SAE1: variants seen among roughly 807,000 people sequenced by gnomAD.
The protein encoded by SAE1 is SUMO1 activating enzyme subunit 1, also known as SUMO-activating enzyme subunit 1.
In SAE1, 11 loss-of-function variants were observed where a neutral mutation model predicts 40.6. The observed-to-expected ratio is 0.27, with a 90% CI of 0.17 to 0.45. The LOEUF (loss-of-function observed/expected upper bound fraction) is 0.45, where lower values mean the gene tolerates loss of function less well. SAE1 is among the 20% of genes least tolerant of loss of function. The pLI is 1.00. For missense variants in SAE1, 373 were observed against 427.3 expected (o/e 0.87, Z 1.12); for synonymous variants, 155 against 154.3 (o/e 1.00, Z -0.03).
Position 47,188,332 on chromosome 19 carries a change from A to G in SAE1, c.734-8901A>G, listed in dbSNP as rs148831815. Among the ~76,000 whole-genome samples, 592 of 148,922 alleles carry G rather than the reference A, an allele frequency of 4.0e-3. 4 individuals carry two copies. The highest frequency in any genetic ancestry group is 6.2e-3 in the Non-Finnish European group (422 of 67,576). ...TGCTGCTCATTCCAGCCTGGGTGAC[A>G]GACTGAGGCCATGTCTCAAAAAAAA... On this transcript the variant is annotated intron_variant, in intron 6 of 8. Transcript: ENST00000270225.
chr19:47,140,149 C>G (rs1393580253), intron 1 of SAE1, among the ~76,000 whole-genome samples: 1 of 150,778 alleles, frequency 6.6e-6, no homozygotes, highest in Non-Finnish European at 1.5e-5. Flanking sequence ...TTCTGTTGCC[C>G]AGGATGGAAT....
chr19:47,135,816 C>T (rs190667307), intron 1 of SAE1, among the ~76,000 whole-genome samples: 89 of 151,314 alleles, frequency 5.9e-4, no homozygotes, highest in African/African-American at 1.9e-3. Flanking sequence ...TTTTTTGAAA[C>T]GGAGTCTCGC....
At chr19:47,180,282 A>G (rs1259911899) in intron 6 of SAE1, 4 of 456,108 alleles carry the variant, frequency 8.8e-6, no homozygotes, top group African/African-American at 2.0e-5. Context: ...CTGTTTCCAG[A>G]TCTGGGGTAG....
rs2058706475 is a variant in SAE1, at chr19:47,210,163, G to A, written c.*912G>A. 1.3e-5 allele frequency: 2 copies of A among 152,132 alleles called. No homozygotes were observed. The highest frequency in any genetic ancestry group is 4.1e-4 in the South Asian group (2 of 4,824). The allele number at this position is 152,132 out of a possible 1,614,324, so 9.4% of individuals were successfully genotyped here. ...GAATTTTCCTTGGTTCTTTTTAAAG[G>A]AATGATAATAAAGTTACTTGCTTTA... On this transcript the variant is annotated 3_prime_UTR_variant, in exon 9 of 9. Transcript: ENST00000270225.
At chr19:47,150,074 C>CAAAAA (rs34440742) in intron 2 of SAE1, 128 bp from the exon 3 acceptor site, 18 of 339,344 alleles carry the variant, frequency 5.3e-5, no homozygotes, top group Middle Eastern at 7.8e-4. Context: ...AAGACTGTCT[C>CAAAAA]AAAAAAAAAA....
chr19:47,194,274 T>C (rs1350235530), intron 6 of SAE1, among the ~76,000 whole-genome samples: 6 of 152,190 alleles, frequency 3.9e-5, no homozygotes, highest in Non-Finnish European at 8.8e-5. Flanking sequence ...CACAGGCTGC[T>C]CATTACCAAA....
intron 6 of SAE1, among the ~76,000 whole-genome samples, chr19:47,184,640 A>AC (rs1479485355): frequency 2.0e-5 from 3 of 151,718 alleles, no homozygotes; most frequent in African/African-American, 7.3e-5. Context: ...TGAACTCCTG[A>AC]CCTCAGGTGA....
At chr19:47,175,369 G>T (rs142097845) in intron 6 of SAE1, among the ~76,000 whole-genome samples, 96 of 152,250 alleles carry the variant, frequency 6.3e-4, no homozygotes, top group African/African-American at 2.2e-3. Flanking sequence ...AGTCATATCC[G>T]TGGTTTTATA....
chr19:47,137,874 G>A (rs1283062263), intron 1 of SAE1, among the ~76,000 whole-genome samples: 3 of 151,728 alleles, frequency 2.0e-5, no homozygotes, highest in Non-Finnish European at 2.9e-5. Flanking sequence ...GATTACAGGC[G>A]CGTGCCACCA....
At chr19:47,131,222 G>A (rs1380637028) in intron 1 of SAE1, 194 bp downstream of exon 1, 2 of 1,342,118 alleles carry the variant, frequency 1.5e-6, no homozygotes, top group Non-Finnish European at 1.9e-6. Context: ...GGAAGTGGTT[G>A]GGAGGGCCGT....
In SAE1 at chr19:47,210,243, C is replaced by G. The variant is rs994126454; in HGVS notation, c.*992C>G. On this transcript the variant is annotated 3_prime_UTR_variant, in exon 9 of 9. Coordinates refer to ENST00000270225, the MANE Select transcript of SAE1 (RefSeq NM_005500.3). ...AGCTTCTGAGAGGGAATGGGATGAT[C>G]CTACCAGTTGCCTTTTCAGACCTGA... 2 of 152,146 alleles carry G rather than the reference C, an allele frequency of 1.3e-5. No homozygotes were observed. Among genetic ancestry groups the G allele is most frequent in the Non-Finnish European group, 2.9e-5 (2 of 68,032 alleles). The allele number at this position is 152,146 out of a possible 1,614,324, so 9.4% of individuals were successfully genotyped here. A position where few individuals can be genotyped will look rare whatever the true frequency, so the allele number is the denominator to read the frequency against.
intron 6 of SAE1, among the ~76,000 whole-genome samples, chr19:47,173,680 A>C (rs553995052): frequency 6.6e-6 from 1 of 152,252 alleles, no homozygotes; most frequent in Non-Finnish European, 1.5e-5. Context: ...ACCCAGCTCT[A>C]ACATCAAAAA....
At chr19:47,131,330 G>C (rs1252046801) in intron 1 of SAE1, among the ~76,000 whole-genome samples, 2 of 152,084 alleles carry the variant, frequency 1.3e-5, no homozygotes, top group Non-Finnish European at 2.9e-5. Flanking sequence ...GGTGATTGTG[G>C]GGTTTGATCG....
At chr19:47,135,322 C>T (rs957598041) in intron 1 of SAE1, among the ~76,000 whole-genome samples, 2 of 152,086 alleles carry the variant, frequency 1.3e-5, no homozygotes, top group Non-Finnish European at 2.9e-5. Flanking sequence ...CCTTCCCCTC[C>T]ACCCCCCACT....
Position 47,130,892 on chromosome 19 carries a change from T to G in SAE1, c.-39T>G, listed in dbSNP as rs2123164709. 3 of 1,547,464 alleles carry G rather than the reference T, an allele frequency of 1.9e-6. No individual in the cohort carries two copies. The highest frequency in any genetic ancestry group is 2.6e-6 in the Non-Finnish European group (3 of 1,146,010). ...CGCGCGGGTCCGGCGGGCGGTTGGC[T>G]TGAGCGGGACCGGAGCTGAGGCAGG... On this transcript the variant is annotated 5_prime_UTR_variant, in exon 1 of 9. Transcript: ENST00000270225.
intron 5 of SAE1, among the ~76,000 whole-genome samples, chr19:47,155,879 T>A (rs904996265): frequency 1.7e-4 from 26 of 149,856 alleles, no homozygotes; most frequent in African/African-American, 5.9e-4. Context: ...TAGCTGGGAC[T>A]ACAGGTGTGT....
In SAE1 at chr19:47,197,264, A is replaced by T. The variant is rs761017631; in HGVS notation, c.765A>T (p.Arg255Ser). 6 of 1,613,812 alleles carry T rather than the reference A, an allele frequency of 3.7e-6. No homozygotes were observed. The highest frequency in any genetic ancestry group is 1.3e-5 in the African/African-American group (1 of 74,896). Residue 255 changes from arginine (R) to serine (S), a missense_variant, in exon 7 of 9, where the codon AGA becomes AGT. Around this residue, in one of 3 missense-constraint regions of SAE1, gnomAD observed 351 missense variants for 390.6 expected, o/e 0.90. Coordinates refer to ENST00000270225, the MANE Select transcript of SAE1 (RefSeq NM_005500.3). The stretch of plus-strand genomic sequence containing the variant: ...TAAAGTTCCGTACAGATAAAGGAAG[A>T]GATCCCAGTTCTGATACATATGAGG... The part of the protein sequence containing the change: ...VLLKFRTDKG[R>S]DPSSDTYEED...
intron 6 of SAE1, among the ~76,000 whole-genome samples, chr19:47,190,309 T>C (rs1056840011): frequency 2.0e-5 from 3 of 152,064 alleles, no homozygotes; most frequent in African/African-American, 2.4e-5. Context: ...TGTAAACTGG[T>C]GGGAGGTGCT....
At chr19:47,195,725 CT>C (rs1408632643) in intron 6 of SAE1, among the ~76,000 whole-genome samples, 1 of 140,560 alleles carries the variant, frequency 7.1e-6, no homozygotes, top group African/African-American at 2.7e-5. Flanking sequence ...TTTTCCTTTC[CT>C]TTTTTTCTTC....
Sources: allele counts gnomAD v4.1 joint callset (sites outside exome capture counted in the v4.1 genomes callset), GRCh38; gene constraint gnomAD v4.1.1; regional missense constraint gnomAD v4.1.1; transcripts MANE v1.5; gene names NCBI Gene and HGNC (gene_info 2026-07-23, HGNC 2026-07-21).